The following FOCAD variants were observed in gnomAD, a reference collection of about 807,000 sequenced individuals.
FOCAD encodes KIAA1797.
FOCAD carries 198 observed loss-of-function variants against 225.6 expected under a neutral mutation model. The ratio of observed to expected loss-of-function variants is 0.88; its 90% CI spans 0.78 to 0.99. FOCAD has a LOEUF of 0.99. Among genes scored for constraint, FOCAD ranks in the 50% least tolerant of loss-of-function variants. FOCAD has a pLI of 0.00. For missense variants in FOCAD, 2,713 were observed against 2,123.6 expected (o/e 1.28, Z -5.46); for synonymous variants, 897 against 755.0 (o/e 1.19, Z -3.08).
At chr9:20,817,399 C>A (rs1047264881) in intron 11 of FOCAD, among the ~76,000 whole-genome samples, 1 of 152,118 alleles carries the variant, frequency 6.6e-6, no homozygotes, top group Non-Finnish European at 1.5e-5. Context: ...CTTACTTGCC[C>A]TATCCTAGAC....
intron 5 of FOCAD, among the ~76,000 whole-genome samples, chr9:20,757,512 A>G (rs1829163579): frequency 6.6e-6 from 1 of 152,196 alleles, no homozygotes; most frequent in African/African-American, 2.4e-5. Flanking sequence ...CATTCAACAG[A>G]AATTTTATGC....
intron 1 of FOCAD, among the ~76,000 whole-genome samples, chr9:20,713,670 G>A (rs1473590374): frequency 6.6e-6 from 1 of 152,190 alleles, no homozygotes; most frequent in Non-Finnish European, 1.5e-5. Flanking sequence ...ACCTAGAACT[G>A]TGCTGGACAC....
chr9:20,890,076 G>A (rs759751353), intron 21 of FOCAD, among the ~76,000 whole-genome samples: 2 of 151,608 alleles, frequency 1.3e-5, no homozygotes, highest in Non-Finnish European at 2.9e-5. Flanking sequence ...TATTCTTACA[G>A]TCTTTTTGTA....
intron 16 of FOCAD, among the ~76,000 whole-genome samples, chr9:20,864,827 A>T (rs1041239115): frequency 6.6e-6 from 1 of 152,120 alleles, no homozygotes; most frequent in East Asian, 1.9e-4. Context: ...TTGAGTACCT[A>T]TTCAATCCCC....
In FOCAD at chr9:20,740,261, A is replaced by G. The variant is rs754408343; in HGVS notation, c.313A>G (p.Ile105Val). The change falls in exon 5 of 44, where the codon ATT becomes GTT. Residue 105 changes from isoleucine (I) to valine (V), a missense_variant. By Grantham distance (29) the Ile-to-Val change is conservative. Coordinates refer to ENST00000338382, the MANE Select transcript of FOCAD (RefSeq NM_001375567.1). ...TRNTHGLIKA[I>V]MHLLQMQALK... The stretch of plus-strand genomic sequence containing the variant: ...AAATACACATGGCTTGATAAAAGCC[A>G]TTATGCACTTACTACAAATGCAAGC... 6.2e-7 allele frequency: 1 copy of G among 1,611,734 alleles called. No homozygotes were observed. The highest frequency in any genetic ancestry group is 8.5e-7 in the Non-Finnish European group (1 of 1,178,282).
chr9:20,955,275 A>G (rs1049405502), intron 35 of FOCAD, among the ~76,000 whole-genome samples: 9 of 152,164 alleles, frequency 5.9e-5, no homozygotes, highest in Non-Finnish European at 1.3e-4. Flanking sequence ...TTGTGCTAGG[A>G]TGAGTTTGGG....
At chr9:20,914,472 T>C (rs1833711017) in intron 23 of FOCAD, among the ~76,000 whole-genome samples, 1 of 152,128 alleles carries the variant, frequency 6.6e-6, no homozygotes, top group Non-Finnish European at 1.5e-5. Flanking sequence ...GGCATTACCA[T>C]TTTCTGTACG....
At chr9:20,728,348 C>T (rs531137998) in intron 4 of FOCAD, among the ~76,000 whole-genome samples, 11 of 152,100 alleles carry the variant, frequency 7.2e-5, no homozygotes, top group Non-Finnish European at 1.6e-4. Flanking sequence ...TTCATGTACA[C>T]CTTATACAGA....
chr9:20,754,021 C>G (rs1341177476), intron 5 of FOCAD, among the ~76,000 whole-genome samples: 1 of 152,076 alleles, frequency 6.6e-6, no homozygotes, highest in Non-Finnish European at 1.5e-5. Flanking sequence ...TTTTGGCGTT[C>G]TTTGTACCAC....
intron 27 of FOCAD, 148 bp from the exon 28 acceptor site, chr9:20,932,866 A>C (rs1835610221): frequency 6.7e-6 from 4 of 596,438 alleles, no homozygotes; most frequent in Non-Finnish European, 1.2e-5. Flanking sequence ...CCAAATAAGA[A>C]TAGGCAACTC....
chr9:20,764,879 T>C lies in FOCAD; in HGVS notation c.505T>C (p.Ser169Pro). 6.2e-7 allele frequency: 1 copy of C among 1,613,766 alleles called. No individual in the cohort carries two copies. Among genetic ancestry groups the C allele is most frequent in the Non-Finnish European group, 8.5e-7 (1 of 1,179,774 alleles). The change falls in exon 7 of 44, where the codon TCA (serine) becomes CCA (proline). Residue 169 changes from serine to proline, a missense_variant. By Grantham distance (74) the Ser-to-Pro change is moderately conservative. Coordinates refer to ENST00000338382, the MANE Select transcript of FOCAD (RefSeq NM_001375567.1). ...TTTCATGTCTTATAGGTTAGAAGTT[T>C]CATGCATTCAAATAATGGCACCATT... is the stretch of plus-strand genomic sequence containing the variant. ...FQQCPERLEVSCIQIMAPFLW... is the reference protein window; with the variant it reads ...FQQCPERLEVPCIQIMAPFLW...
chr9:20,786,463 C>T (rs1819932127), intron 10 of FOCAD, among the ~76,000 whole-genome samples: 1 of 152,122 alleles, frequency 6.6e-6, no homozygotes, highest in African/African-American at 2.4e-5. Context: ...GCTAGAAAGG[C>T]TCTCTTGAGG....
At position 20,988,421 on chromosome 9, in the gene FOCAD, C is replaced by G. The variant is rs1473979626; in HGVS notation, c.4996C>G (p.Leu1666Val). The change falls in exon 41 of 44, where the codon CTT becomes GTT. Residue 1666 changes from leucine to valine, a missense_variant. Leu to Val is a conservative substitution (Grantham distance 32, BLOSUM62 1). Transcript: ENST00000338382. ...GTCAACATCCTTTCACAATACGGCT[C>G]TTGACAAGGTAAAATCTAGAGGAGT... ...YQSTSFHNTA[L>V]DKALDFFLLI... 1 of 1,588,020 alleles carries G rather than the reference C, an allele frequency of 6.3e-7. No homozygotes were observed. The highest frequency in any genetic ancestry group is 8.6e-7 in the Non-Finnish European group (1 of 1,158,438).
intron 4 of FOCAD, among the ~76,000 whole-genome samples, chr9:20,723,014 C>T (rs1210117073): frequency 1.3e-5 from 2 of 152,220 alleles, no homozygotes; most frequent in East Asian, 1.9e-4. Context: ...TAGATTATAC[C>T]TTTAATTCTA....
At chr9:20,793,687 C>CT (rs1231635454) in intron 11 of FOCAD, among the ~76,000 whole-genome samples, 1 of 152,128 alleles carries the variant, frequency 6.6e-6, no homozygotes, top group Non-Finnish European at 1.5e-5. Context: ...ACAGTGGAGT[C>CT]TATCTGCTTC....
chr9:20,959,811 CT>C (rs1279443788), intron 35 of FOCAD, among the ~76,000 whole-genome samples: 2 of 152,022 alleles, frequency 1.3e-5, no homozygotes, highest in Admixed American at 6.5e-5. Context: ...ACTGAGTGTT[CT>C]TGACATTTTT....
At chr9:20,730,930 A>T (rs2131604148) in intron 4 of FOCAD, among the ~76,000 whole-genome samples, 1 of 152,266 alleles carries the variant, frequency 6.6e-6, no homozygotes, top group Non-Finnish European at 1.5e-5. Flanking sequence ...AACCCATAAC[A>T]ACAAAAAAAC....
chr9:20,853,654 A>G (rs1260296932), intron 15 of FOCAD, among the ~76,000 whole-genome samples: 2 of 151,736 alleles, frequency 1.3e-5, no homozygotes, highest in Non-Finnish European at 3.0e-5. Context: ...TTGTTCAACT[A>G]TGTTAGAAAA....
intron 19 of FOCAD, among the ~76,000 whole-genome samples, chr9:20,876,330 T>C (rs188756252): frequency 6.6e-6 from 1 of 152,312 alleles, no homozygotes; most frequent in Admixed American, 6.5e-5. Flanking sequence ...TTCTTTAACC[T>C]GAAATAACCT....
Sources: allele counts gnomAD v4.1 joint callset (sites outside exome capture counted in the v4.1 genomes callset), GRCh38; gene constraint gnomAD v4.1.1; transcripts MANE v1.5; gene names NCBI Gene and HGNC (gene_info 2026-07-23, HGNC 2026-07-21).